Variants in SPOCK3 observed in about 807,000 individuals in gnomAD.
The protein encoded by SPOCK3 is SPARC (osteonectin), cwcv and kazal like domains proteoglycan 3.
In SPOCK3, 30 loss-of-function variants were observed where a neutral mutation model predicts 56.6. The observed-to-expected ratio is 0.53, with a 90% CI of 0.40 to 0.72. The LOEUF is 0.72. SPOCK3 is among the 30% of genes least tolerant of loss of function. The pLI is 0.00. For missense variants in SPOCK3, 527 were observed against 530.0 expected (o/e 0.99, Z 0.06); for synonymous variants, 196 against 183.3 (o/e 1.07, Z -0.56).
rs1747845699 is a variant in SPOCK3, at chr4:166,844,493, A to T, written c.589+44637T>A. Among the ~76,000 whole-genome samples, 2 of 152,322 alleles carry T rather than the reference A, an allele frequency of 1.3e-5. 1 individual carries two copies. Among genetic ancestry groups the T allele is most frequent in the South Asian group, 4.1e-4 (2 of 4,824 alleles). On this transcript the variant is annotated intron_variant, in intron 6 of 10. Coordinates refer to ENST00000357545, the MANE Select transcript of SPOCK3 (RefSeq NM_001040159.2). ...TAAATCAGTAAACTCTGAGTAAAGAAATTACCCTTCATAGTGGGGTTGAGC... is the reference window on the plus strand; with the variant it reads ...TAAATCAGTAAACTCTGAGTAAAGATATTACCCTTCATAGTGGGGTTGAGC...
chr4:167,218,455 A>G (rs1245140149), intron 2 of SPOCK3, among the ~76,000 whole-genome samples: 1 of 152,162 alleles, frequency 6.6e-6, no homozygotes, highest in African/African-American at 2.4e-5. Flanking sequence ...AAGAATAAAC[A>G]TAAGACTTCT....
intron 6 of SPOCK3, among the ~76,000 whole-genome samples, chr4:166,868,509 G>A (rs1732110162): frequency 6.6e-6 from 1 of 151,972 alleles, no homozygotes. Context: ...TACACTGAGT[G>A]TCACCTGAAC....
At chr4:166,890,766 G>A (rs1734687157) in intron 5 of SPOCK3, among the ~76,000 whole-genome samples, 1 of 151,862 alleles carries the variant, frequency 6.6e-6, no homozygotes, top group African/African-American at 2.4e-5. Context: ...ATGTCTATTA[G>A]GTCCGCTTGG....
intron 8 of SPOCK3, among the ~76,000 whole-genome samples, chr4:166,746,740 G>T (rs557902113): frequency 6.6e-6 from 1 of 152,018 alleles, no homozygotes. Flanking sequence ...CTGATAGCAA[G>T]ATTAATAAAG....
At chr4:166,778,769 TA>T (rs1177829225) in intron 7 of SPOCK3, among the ~76,000 whole-genome samples, 1 of 151,686 alleles carries the variant, frequency 6.6e-6, no homozygotes, top group Non-Finnish European at 1.5e-5. Flanking sequence ...GTTAATAGAG[TA>T]GGCAGATTCT....
At chr4:166,811,481 T>C (rs1365228117) in intron 6 of SPOCK3, among the ~76,000 whole-genome samples, 1 of 151,842 alleles carries the variant, frequency 6.6e-6, no homozygotes, top group Non-Finnish European at 1.5e-5. Context: ...TATTTGGTAG[T>C]ATATTTCTTA....
intron 7 of SPOCK3, among the ~76,000 whole-genome samples, chr4:166,770,213 GC>G (rs1175539751): frequency 3.3e-5 from 5 of 152,026 alleles, no homozygotes; most frequent in Admixed American, 2.0e-4. Flanking sequence ...TGTCCGATAA[GC>G]CCCAGTGAGA....
At chr4:167,127,627 C>T (rs952792826) in intron 2 of SPOCK3, among the ~76,000 whole-genome samples, 2 of 151,996 alleles carry the variant, frequency 1.3e-5, no homozygotes, top group African/African-American at 4.8e-5. Context: ...AGGGTTCCAC[C>T]GTGTTGGCCA....
chr4:166,781,894 A>G (rs1454696731), intron 7 of SPOCK3, among the ~76,000 whole-genome samples: 2 of 152,166 alleles, frequency 1.3e-5, no homozygotes, highest in Non-Finnish European at 2.9e-5. Context: ...AAAACAAAAC[A>G]CAAAGCTCTC....
chr4:167,105,128 A>G (rs1379654370), intron 2 of SPOCK3, among the ~76,000 whole-genome samples: 1 of 151,144 alleles, frequency 6.6e-6, no homozygotes, highest in Non-Finnish European at 1.5e-5. Context: ...AGTCAGAAGG[A>G]AAAAAAAATC....
Position 167,145,178 on chromosome 4 carries a change from T to A in SPOCK3, c.190-82641A>T, listed in dbSNP as rs73861939. On this transcript the variant is annotated intron_variant, in intron 2 of 10. Transcript: ENST00000357545. ...GAATATGCACCATTAAAGAGTGAAG[T>A]CAAGGATTATTTTGTTTGTTTCATT... 6.8e-3 allele frequency among the ~76,000 whole-genome samples: 1,034 copies of A among 152,132 alleles called. 14 individuals are homozygous for A. Among genetic ancestry groups the A allele is most frequent in the African/African-American group, 0.024 (999 of 41,516 alleles).
At chr4:167,001,800 C>CAGA (rs1318273999) in intron 3 of SPOCK3, among the ~76,000 whole-genome samples, 2 of 151,950 alleles carry the variant, frequency 1.3e-5, no homozygotes, top group Admixed American at 1.3e-4. Flanking sequence ...TTGGAATATG[C>CAGA]AGAAGTATTT....
At chr4:167,129,871 T>C (rs1762567580) in intron 2 of SPOCK3, among the ~76,000 whole-genome samples, 1 of 152,222 alleles carries the variant, frequency 6.6e-6, no homozygotes, top group Non-Finnish European at 1.5e-5. Flanking sequence ...AAATTTCTTA[T>C]GCTCAACTTG....
chr4:167,047,003 T>C (rs1439894111), intron 3 of SPOCK3, among the ~76,000 whole-genome samples: 1 of 152,162 alleles, frequency 6.6e-6, no homozygotes, highest in Non-Finnish European at 1.5e-5. Flanking sequence ...CAGGACTTTG[T>C]AGAGGACATA....
intron 2 of SPOCK3, among the ~76,000 whole-genome samples, chr4:167,203,449 A>G (rs374353038): frequency 4.6e-5 from 7 of 152,154 alleles, no homozygotes; most frequent in African/African-American, 1.2e-4. Context: ...AATAGCAAGT[A>G]TTAATACTCC....
chr4:167,063,554 G>T (rs1308085424), intron 2 of SPOCK3, among the ~76,000 whole-genome samples: 1 of 151,676 alleles, frequency 6.6e-6, no homozygotes, highest in Non-Finnish European at 1.5e-5. Flanking sequence ...CAATGTAAGG[G>T]GTATAAATGC....
chr4:166,786,310 A>G (rs1403702144), intron 7 of SPOCK3, among the ~76,000 whole-genome samples: 2 of 152,184 alleles, frequency 1.3e-5, no homozygotes, highest in Non-Finnish European at 2.9e-5. Flanking sequence ...GAAGTCACAG[A>G]GAAGTCAGCA....
At chr4:167,228,833 C>T (rs1392146534) in intron 2 of SPOCK3, among the ~76,000 whole-genome samples, 2 of 152,104 alleles carry the variant, frequency 1.3e-5, no homozygotes, top group African/African-American at 4.8e-5. Context: ...TAAATCTCCC[C>T]ATGATTTAAA....
At chr4:167,123,937 G>C (rs957095126) in intron 2 of SPOCK3, among the ~76,000 whole-genome samples, 3 of 151,808 alleles carry the variant, frequency 2.0e-5, no homozygotes, top group Non-Finnish European at 4.4e-5. Flanking sequence ...AGTACAGACA[G>C]GGTTTCACCA....
Sources: allele counts gnomAD v4.1 joint callset (sites outside exome capture counted in the v4.1 genomes callset), GRCh38; gene constraint gnomAD v4.1.1; transcripts MANE v1.5; gene names NCBI Gene and HGNC (gene_info 2026-07-23, HGNC 2026-07-21).